Variants in IL15 observed in about 807,000 individuals in gnomAD.
IL15 encodes interleukin 15.
IL15 carries 11 observed loss-of-function variants against 19.6 expected under a neutral mutation model. That is an observed-to-expected ratio of 0.56 (90% CI 0.35 to 0.93). The LOEUF (loss-of-function observed/expected upper bound fraction) is 0.93. IL15 is among the 40% of genes least tolerant of loss of function. The pLI is 0.01. For synonymous variants in IL15, 58 were observed against 59.6 expected (o/e 0.97, Z 0.12); for missense variants, 197 against 186.5 (o/e 1.06, Z -0.33).
chr4:141,667,298 G>A (rs530087573), intron 2 of IL15, among the ~76,000 whole-genome samples: 66 of 152,316 alleles, frequency 4.3e-4, no homozygotes, highest in African/African-American at 1.5e-3. Flanking sequence ...TGATCGGTTA[G>A]AAGCCCAGGC....
intron 5 of IL15, among the ~76,000 whole-genome samples, chr4:141,723,318 AG>A (rs992879610): frequency 2.1e-4 from 32 of 152,118 alleles, no homozygotes; most frequent in Admixed American, 1.9e-3. Context: ...ATACTAGAGT[AG>A]GGGGGGCCCT....
chr4:141,721,645 A>G, intron 4 of IL15: 1 of 513,078 alleles, frequency 1.9e-6, no homozygotes, highest in Non-Finnish European at 3.5e-6. Flanking sequence ...CTTCTATTTC[A>G]TTGTGATAAA....
chr4:141,702,017 G>T (rs931836569), intron 2 of IL15, among the ~76,000 whole-genome samples: 6 of 152,216 alleles, frequency 3.9e-5, no homozygotes, highest in African/African-American at 1.4e-4. Flanking sequence ...CTGCATTCTT[G>T]TGATAGAAAC....
chr4:141,703,736 GAAA>G (rs569683867), intron 2 of IL15, among the ~76,000 whole-genome samples: 2 of 92,772 alleles, frequency 2.2e-5, no homozygotes, highest in East Asian at 3.5e-4. Context: ...CTGCTATCTT[GAAA>G]AAAAAAAAAA....
intron 2 of IL15, among the ~76,000 whole-genome samples, chr4:141,673,532 T>A (rs1402886767): frequency 6.6e-6 from 1 of 152,232 alleles, no homozygotes; most frequent in Admixed American, 6.5e-5. Context: ...TAAAATTTTC[T>A]ACAGCTTCCT....
intron 2 of IL15, among the ~76,000 whole-genome samples, chr4:141,669,570 C>T (rs1728102227): frequency 6.6e-6 from 1 of 151,676 alleles, no homozygotes; most frequent in Non-Finnish European, 1.5e-5. Context: ...TAGAATTTAG[C>T]AGAAATAGAG....
intron 2 of IL15, among the ~76,000 whole-genome samples, chr4:141,669,965 T>C (rs1338452702): frequency 1.3e-5 from 2 of 151,832 alleles, no homozygotes; most frequent in Non-Finnish European, 2.9e-5. Context: ...TACAGTATTC[T>C]AATTAAGATA....
At chr4:141,693,199 A>AG (rs899428242) in intron 2 of IL15, among the ~76,000 whole-genome samples, 1 of 151,942 alleles carries the variant, frequency 6.6e-6, no homozygotes, top group Non-Finnish European at 1.5e-5. Context: ...ACAATGCAGG[A>AG]GAAACTGCCA....
At chr4:141,704,879 A>G (rs1246428849) in intron 2 of IL15, among the ~76,000 whole-genome samples, 1 of 151,772 alleles carries the variant, frequency 6.6e-6, no homozygotes, top group Non-Finnish European at 1.5e-5. Flanking sequence ...ATACTTATTC[A>G]TAATAGTCTC....
chr4:141,706,306 T>G (rs886962803), intron 2 of IL15, among the ~76,000 whole-genome samples: 1 of 152,066 alleles, frequency 6.6e-6, no homozygotes, highest in Non-Finnish European at 1.5e-5. Flanking sequence ...AACTTAATTT[T>G]GTTCACATAA....
intron 2 of IL15, among the ~76,000 whole-genome samples, chr4:141,697,760 A>G (rs1287773406): frequency 6.6e-6 from 1 of 150,528 alleles, no homozygotes; most frequent in African/African-American, 2.4e-5. Context: ...TTTTTTTTTC[A>G]GCTATTATAA....
At chr4:141,714,194 C>T (rs1287926966) in intron 2 of IL15, among the ~76,000 whole-genome samples, 1 of 152,026 alleles carries the variant, frequency 6.6e-6, no homozygotes, top group Non-Finnish European at 1.5e-5. Context: ...TAGTAGAAAA[C>T]TTACACCTAC....
chr4:141,718,319 G>C (rs891256602), intron 2 of IL15: 1 of 151,820 alleles, frequency 6.6e-6, no homozygotes, highest in South Asian at 2.1e-4. Flanking sequence ...ACAACTAAAA[G>C]GGATGTAGGG....
At chr4:141,701,451 A>G (rs565455830) in intron 2 of IL15, among the ~76,000 whole-genome samples, 2 of 152,198 alleles carry the variant, frequency 1.3e-5, no homozygotes, top group African/African-American at 4.8e-5. Flanking sequence ...TGTAGTAGTT[A>G]TGTACTTGTT....
At chr4:141,680,062 A>C (rs565889704) in intron 2 of IL15, among the ~76,000 whole-genome samples, 36 of 152,312 alleles carry the variant, frequency 2.4e-4, no homozygotes, top group Admixed American at 2.4e-3. Context: ...AAGAACCTAT[A>C]CTACTATATA....
At chr4:141,640,182 A>G (rs1726995806) in intron 1 of IL15, among the ~76,000 whole-genome samples, 2 of 151,982 alleles carry the variant, frequency 1.3e-5, no homozygotes, top group Non-Finnish European at 2.9e-5. Flanking sequence ...TCCAGTAGGA[A>G]CCTAATGTGA....
At chr4:141,663,092 T>G (rs1049435896) in intron 2 of IL15, among the ~76,000 whole-genome samples, 2 of 152,186 alleles carry the variant, frequency 1.3e-5, no homozygotes, top group Admixed American at 1.3e-4. Flanking sequence ...ATTCTAGGAA[T>G]GAAAGATTGT....
chr4:141,641,592 CA>C (rs1214967200), intron 1 of IL15, among the ~76,000 whole-genome samples: 1 of 146,284 alleles, frequency 6.8e-6, no homozygotes. Context: ...ATTGCAAGGA[CA>C]AAAAACCAAA....
intron 2 of IL15, among the ~76,000 whole-genome samples, chr4:141,695,819 C>G (rs1196447267): frequency 6.6e-6 from 1 of 151,968 alleles, no homozygotes; most frequent in Non-Finnish European, 1.5e-5. Context: ...TGTTTAAATT[C>G]ACTATATATT....
Sources: allele counts gnomAD v4.1 joint callset (sites outside exome capture counted in the v4.1 genomes callset), GRCh38; gene constraint gnomAD v4.1.1; transcripts MANE v1.5; gene names NCBI Gene and HGNC (gene_info 2026-07-23, HGNC 2026-07-21).